The following GHR variants were observed in gnomAD, a reference collection of about 807,000 sequenced individuals.
GHR encodes growth hormone receptor, also known as GH receptor.
A neutral mutation model predicts 67.1 loss-of-function variants in GHR; 35 were observed. The ratio of observed to expected loss-of-function variants is 0.52; its 90% CI spans 0.40 to 0.69. GHR has a LOEUF of 0.69. GHR is among the 30% of genes least tolerant of loss of function. The pLI is 0.00. For synonymous variants in GHR, 272 were observed against 269.1 expected (o/e 1.01, Z -0.10); for missense variants, 792 against 764.6 (o/e 1.04, Z -0.42).
At chr5:42,474,039 A>T (rs1214099075) in intron 1 of GHR, among the ~76,000 whole-genome samples, 1 of 151,458 alleles carries the variant, frequency 6.6e-6, no homozygotes, top group Non-Finnish European at 1.5e-5. Flanking sequence ...AACACAAAAA[A>T]TTAACAGGAT....
At chr5:42,445,464 C>T (rs529884122) in intron 1 of GHR, among the ~76,000 whole-genome samples, 1 of 152,250 alleles carries the variant, frequency 6.6e-6, no homozygotes, top group Admixed American at 6.5e-5. Context: ...CATCTGTAGC[C>T]AGCTTTATAC....
At chr5:42,646,297 C>A (rs1695577833) in intron 3 of GHR, 2 of 452,758 alleles carry the variant, frequency 4.4e-6, no homozygotes, top group African/African-American at 2.0e-5. Context: ...TGAACCCCAG[C>A]ACATGCCTCT....
At chr5:42,596,924 C>G (rs1191831543) in intron 2 of GHR, among the ~76,000 whole-genome samples, 2 of 152,310 alleles carry the variant, frequency 1.3e-5, no homozygotes, top group East Asian at 3.9e-4. Context: ...GTAACCTGTT[C>G]TACTTCAACC....
rs1321416001 is a variant in GHR at position 42,423,566 on chromosome 5, CCGCT to C, written c.-400_-397del. On this transcript the variant is annotated 5_prime_UTR_variant, in exon 1 of 10. The change abolishes the stop of an existing upstream ORF in the 5' untranslated region. Transcript: ENST00000230882. Reference sequence around the variant, plus strand: ...TTCTCGAACTGGCCTCCTTGAACGTCCGCTTCGCCTTCGCTTCTGCAACCTGGAT... The same window carrying C: ...TTCTCGAACTGGCCTCCTTGAACGTCTCGCCTTCGCTTCTGCAACCTGGAT... 6.6e-6 allele frequency among the ~76,000 whole-genome samples: 1 copy of C among 152,156 alleles called. No individual in the cohort carries two copies. The highest frequency in any genetic ancestry group is 6.5e-5 in the Admixed American group (1 of 15,284).
intron 1 of GHR, among the ~76,000 whole-genome samples, chr5:42,470,574 A>G (rs1450043684): frequency 6.6e-6 from 1 of 152,178 alleles, no homozygotes; most frequent in East Asian, 1.9e-4. Context: ...TGGCCATTCA[A>G]AAAGCAATCA....
intron 1 of GHR, among the ~76,000 whole-genome samples, chr5:42,521,946 T>C (rs958769837): frequency 6.6e-5 from 10 of 152,244 alleles, no homozygotes; most frequent in Non-Finnish European, 1.5e-4. Flanking sequence ...TTAACAATTT[T>C]GGCCAAGAGG....
Position 42,628,936 on chromosome 5 carries a change from G to A in GHR, c.71-102G>A, listed in dbSNP as rs1256742071. 1.9e-5 allele frequency: 14 copies of A among 723,374 alleles called. 1 individual carries two copies. Among genetic ancestry groups the A allele is most frequent in the East Asian group, 1.3e-4 (5 of 38,034 alleles). 44.8% of individuals were successfully genotyped at this position (723,374 alleles called of 1,614,324 possible). On this transcript the variant is annotated intron_variant, in intron 2 of 9. Coordinates refer to ENST00000230882, the MANE Select transcript of GHR (RefSeq NM_000163.5). Reference sequence around the variant, plus strand: ...CCCTTGGCCAAGAAGGGGTCCATTCGGTTGGTTTGGGAAGCTGAGGATTTT... The same window carrying A: ...CCCTTGGCCAAGAAGGGGTCCATTCAGTTGGTTTGGGAAGCTGAGGATTTT...
At chr5:42,599,044 C>T (rs1460221155) in intron 2 of GHR, among the ~76,000 whole-genome samples, 1 of 152,124 alleles carries the variant, frequency 6.6e-6, no homozygotes, top group Non-Finnish European at 1.5e-5. Flanking sequence ...CTTTTGGTTA[C>T]TTGATTTTGT....
chr5:42,534,144 ATATG>A (rs1748111105), intron 1 of GHR, among the ~76,000 whole-genome samples: 1 of 147,952 alleles, frequency 6.8e-6, no homozygotes, highest in South Asian at 2.1e-4. Flanking sequence ...ACATATGTAT[ATATG>A]TATGTATATA....
rs765883170 is a variant in GHR at position 42,719,591 on chromosome 5, TAAG to T, written c.*173_*175del. ...ATGTTGAAATATGATGTTAAAAAAA[TAAG>T]AAGAATGCTTAATCAGATAGATATT... On this transcript the variant is annotated 3_prime_UTR_variant, in exon 10 of 10. Transcript: ENST00000230882. 4 of 686,472 alleles carry T rather than the reference TAAG, an allele frequency of 5.8e-6. No individual in the cohort carries two copies. The highest frequency in any genetic ancestry group is 3.5e-5 in the African/African-American group (2 of 56,474). 42.5% of individuals were successfully genotyped at this position (686,472 alleles called of 1,614,324 possible).
chr5:42,433,573 T>C (rs574518327), intron 1 of GHR, among the ~76,000 whole-genome samples: 5 of 152,172 alleles, frequency 3.3e-5, no homozygotes, highest in South Asian at 2.1e-4. Flanking sequence ...CATGGTGTGA[T>C]TATGGAACAG....
chr5:42,613,796 C>T (rs7702524), intron 2 of GHR, among the ~76,000 whole-genome samples: 30,028 of 152,004 alleles, frequency 0.2, 3,465 homozygotes, highest in African/African-American at 0.3. Flanking sequence ...CTGGGGTATT[C>T]GTAACAGGCA....
intron 3 of GHR, among the ~76,000 whole-genome samples, chr5:42,643,227 A>G (rs548171714): frequency 1.6e-4 from 24 of 152,284 alleles, no homozygotes; most frequent in African/African-American, 5.5e-4. Flanking sequence ...TCCAGCACTT[A>G]GGAAATGCTA....
At chr5:42,546,461 T>G (rs1051493044) in intron 1 of GHR, among the ~76,000 whole-genome samples, 3 of 152,128 alleles carry the variant, frequency 2.0e-5, no homozygotes, top group African/African-American at 7.2e-5. Flanking sequence ...CCCTGAAGGA[T>G]GCATATGCCA....
intron 1 of GHR, among the ~76,000 whole-genome samples, chr5:42,536,833 C>G (rs2112362352): frequency 6.6e-6 from 1 of 152,104 alleles, no homozygotes; most frequent in South Asian, 2.1e-4. Context: ...CCATTTCCAT[C>G]TCACTGCTTG....
At chr5:42,696,325 A>T (rs564451454) in intron 5 of GHR, among the ~76,000 whole-genome samples, 19 of 152,362 alleles carry the variant, frequency 1.2e-4, no homozygotes, top group African/African-American at 4.1e-4. Context: ...GCCTGGAAAT[A>T]CGTGGAATGC....
At chr5:42,524,010 C>A (rs1747590683) in intron 1 of GHR, among the ~76,000 whole-genome samples, 1 of 152,186 alleles carries the variant, frequency 6.6e-6, no homozygotes, top group Admixed American at 6.5e-5. Flanking sequence ...CCCATTAAAG[C>A]TATTTTTGTT....
intron 8 of GHR, among the ~76,000 whole-genome samples, chr5:42,714,560 A>G (rs1019947442): frequency 2.0e-5 from 3 of 152,220 alleles, no homozygotes; most frequent in Non-Finnish European, 2.9e-5. Context: ...TATAGTGTCA[A>G]GCATGCTAAA....
At chr5:42,657,050 G>A (rs1755292896) in intron 3 of GHR, among the ~76,000 whole-genome samples, 1 of 152,062 alleles carries the variant, frequency 6.6e-6, no homozygotes, top group Non-Finnish European at 1.5e-5. Flanking sequence ...CTAGGGCTCA[G>A]GATCAACCTT....
Sources: gnomAD v4.1 joint callset for allele counts (sites outside exome capture counted in the v4.1 genomes callset) on GRCh38, gnomAD v4.1.1 for gene constraint, MANE v1.5 for transcripts, NCBI Gene and HGNC (gene_info 2026-07-23, HGNC 2026-07-21) for gene names.